Variants in SNUPN observed in about 807,000 individuals in gnomAD.
The protein encoded by SNUPN is snurportin-1.
A neutral mutation model predicts 39.2 loss-of-function variants in SNUPN; 31 were observed. That is an observed-to-expected ratio of 0.79 (90% confidence interval 0.59 to 1.07). The LOEUF is 1.07. Among genes scored for constraint, SNUPN ranks in the 50% least tolerant of loss-of-function variants. The pLI is 0.00. For missense variants in SNUPN, 382 were observed against 434.2 expected (o/e 0.88, Z 1.07); for synonymous variants, 132 against 159.0 (o/e 0.83, Z 1.28).
chr15:75,609,837 T>A (rs1238706748), intron 4 of SNUPN, 53 bp downstream of exon 4: 1 of 1,404,804 alleles, frequency 7.1e-7, no homozygotes, highest in Non-Finnish European at 1.0e-6. Flanking sequence ...GCACAAAGAA[T>A]CCCTCCCACT....
Position 75,609,982 on chromosome 15 carries a change from C to G in SNUPN, c.316G>C (p.Glu106Gln), listed in dbSNP as rs535412018. The part of the protein sequence containing the change: ...KHYANQLMLS[E>Q]WLIDVPSDLG... ...TCTGAAGGAACGTCAATTAACCACT[C>G]AGAAAGCATCAACTGGAAATGCAAA... is the stretch of plus-strand genomic sequence containing the variant. The change falls in exon 4 of 9, where the codon GAG becomes CAG. Residue 106 changes from glutamate (E) to glutamine (Q), a missense_variant. Physicochemically the swap from Glu to Gln is conservative, Grantham distance 29. Coordinates refer to ENST00000308588, the MANE Select transcript of SNUPN (RefSeq NM_005701.4). The G allele has an allele frequency of 2.5e-6, 4 of 1,613,846 alleles. No individual in the cohort carries two copies. Among genetic ancestry groups the G allele is most frequent in the African/African-American group, 2.7e-5 (2 of 75,024 alleles).
chr15:75,601,060 T>C, intron 8 of SNUPN, 78 bp downstream of exon 8: 2 of 1,046,588 alleles, frequency 1.9e-6, no homozygotes, highest in South Asian at 2.5e-5. Flanking sequence ...AATCAAGGAA[T>C]ATTTTAAGAC....
chr15:75,610,071 T>TA, intron 3 of SNUPN, 77 bp from the exon 4 acceptor site: 2 of 1,098,480 alleles, frequency 1.8e-6, no homozygotes, highest in East Asian at 2.4e-5. Flanking sequence ...GGCATTAATA[T>TA]CCTGTGTGTA....
chr15:75,624,711 T>C, intron 1 of SNUPN: 1 of 1,263,026 alleles, frequency 7.9e-7, no homozygotes, highest in Non-Finnish European at 1.0e-6. Flanking sequence ...GGCGGTTCCT[T>C]TACCTTCCTT....
At chr15:75,611,573 G>T (rs895360546) in intron 3 of SNUPN, among the ~76,000 whole-genome samples, 1 of 150,730 alleles carries the variant, frequency 6.6e-6, no homozygotes, top group Non-Finnish European at 1.5e-5. Flanking sequence ...AAAACTTTTT[G>T]TGGCCAGGAA....
At chr15:75,619,647 A>G (rs1893020138) in intron 2 of SNUPN, among the ~76,000 whole-genome samples, 1 of 152,110 alleles carries the variant, frequency 6.6e-6, no homozygotes, top group African/African-American at 2.4e-5. Flanking sequence ...AAATATATAT[A>G]TATTTGGAAG....
chr15:75,609,727 A>G (rs1245774648), intron 4 of SNUPN, 76 bp from the exon 5 acceptor site: 4 of 1,235,046 alleles, frequency 3.2e-6, no homozygotes. Context: ...TTCTGCAGGA[A>G]TGTTACTCGA....
chr15:75,602,318 G>A (rs1341846024), intron 7 of SNUPN, among the ~76,000 whole-genome samples: 1 of 152,130 alleles, frequency 6.6e-6, no homozygotes, highest in Non-Finnish European at 1.5e-5. Flanking sequence ...ACGAGGTCAG[G>A]AGTTCGAGAC....
At chr15:75,612,955 T>A (rs889575194) in intron 3 of SNUPN, among the ~76,000 whole-genome samples, 33 of 151,828 alleles carry the variant, frequency 2.2e-4, no homozygotes, top group African/African-American at 7.7e-4. Flanking sequence ...GATAAGAAAC[T>A]TGTATCTAGA....
intron 5 of SNUPN, 128 bp downstream of exon 5, chr15:75,609,430 C>T (rs1892722399): frequency 5.8e-6 from 4 of 689,162 alleles, no homozygotes; most frequent in African/African-American, 3.5e-5. Context: ...ACCTCATGAT[C>T]CACCCGCCTC....
intron 6 of SNUPN, 98 bp downstream of exon 6, chr15:75,607,118 C>A: frequency 1.2e-6 from 1 of 811,824 alleles, no homozygotes; most frequent in Admixed American, 1.7e-5. Context: ...CCTGTGCACA[C>A]CAAGAAGTTG....
chr15:75,599,203 A>T (rs1022786294), intron 8 of SNUPN, among the ~76,000 whole-genome samples: 1 of 152,082 alleles, frequency 6.6e-6, no homozygotes, highest in African/African-American at 2.4e-5. Context: ...GATAAACATA[A>T]ATAGCACTTT....
chr15:75,602,475 G>A (rs2075296088), intron 7 of SNUPN, among the ~76,000 whole-genome samples: 1 of 149,180 alleles, frequency 6.7e-6, no homozygotes, highest in African/African-American at 2.5e-5. Context: ...GCAGTGAGCT[G>A]AGATTGTGCC....
In SNUPN at chr15:75,611,161, C is replaced by G. The variant is rs200302977; in HGVS notation, c.304-1167G>C. ...CCAGCCTGGTGACAGAGTGAGACTT[C>G]GTCTCAAAAAGAAAAAAAAAAAAAG... On this transcript the variant is annotated intron_variant, in intron 3 of 8. Coordinates refer to ENST00000308588, the MANE Select transcript of SNUPN (RefSeq NM_005701.4). 5.3e-5 allele frequency among the ~76,000 whole-genome samples: 8 copies of G among 149,814 alleles called. No homozygotes were observed. The East Asian group carries it at 1.6e-3, about 30-fold the overall frequency.
chr15:75,598,692 A>C lies in SNUPN; in HGVS notation c.760-11T>G. ...GAGAAGTCCATCTACCTATAAGACA[A>C]GGGGAAATTGAGGATCAAATGACTT... On this transcript the variant is annotated splice_polypyrimidine_tract_variant and intron_variant, in intron 8 of 8. Coordinates refer to ENST00000308588, the MANE Select transcript of SNUPN (RefSeq NM_005701.4). 2 of 1,580,160 alleles carry C rather than the reference A, an allele frequency of 1.3e-6. No individual in the cohort carries two copies. The highest frequency in any genetic ancestry group is 1.7e-6 in the Non-Finnish European group (2 of 1,157,790).
chr15:75,619,446 A>C (rs376544767), intron 2 of SNUPN, among the ~76,000 whole-genome samples: 3 of 152,048 alleles, frequency 2.0e-5, no homozygotes, highest in African/African-American at 7.2e-5. Context: ...GTTCAAGATC[A>C]GCCTGAGCAA....
At chr15:75,607,601 A>G (rs1205838243) in intron 5 of SNUPN, among the ~76,000 whole-genome samples, 1 of 152,212 alleles carries the variant, frequency 6.6e-6, no homozygotes, top group Non-Finnish European at 1.5e-5. Flanking sequence ...ACTCACCTCA[A>G]CGAGGTTTAA....
intron 2 of SNUPN, 63 bp from the exon 3 acceptor site, chr15:75,617,615 C>G: frequency 1.3e-6 from 2 of 1,523,082 alleles, no homozygotes; most frequent in Non-Finnish European, 1.8e-6. Context: ...TAGACAGGGT[C>G]TCGCTCTGTT....
intron 3 of SNUPN, 108 bp from the exon 4 acceptor site, chr15:75,610,102 G>C: frequency 1.2e-6 from 1 of 863,154 alleles, no homozygotes; most frequent in Non-Finnish European, 1.9e-6. Flanking sequence ...CTGAGTGAAA[G>C]AATGAGGGCA....
Sources: allele counts gnomAD v4.1 joint callset (sites outside exome capture counted in the v4.1 genomes callset), GRCh38; gene constraint gnomAD v4.1.1; transcripts MANE v1.5; gene names NCBI Gene and HGNC (gene_info 2026-07-23, HGNC 2026-07-21).